Variants in RUNDC3B observed in about 807,000 individuals in gnomAD.
RUNDC3B encodes RUN domain containing 3B.
In RUNDC3B, 33 loss-of-function variants were observed where a neutral mutation model predicts 58.4. That is an observed-to-expected ratio of 0.56 (90% CI 0.43 to 0.75). The LOEUF (loss-of-function observed/expected upper bound fraction) is 0.75, where lower values mean the gene tolerates loss of function less well. Among genes scored for constraint, RUNDC3B ranks in the 30% least tolerant of loss-of-function variants. The pLI is 0.00. For synonymous variants in RUNDC3B, 193 were observed against 195.2 expected (o/e 0.99, Z 0.10); for missense variants, 501 against 535.7 (o/e 0.94, Z 0.64).
chr7:87,758,862 C>T (rs1164160260), intron 6 of RUNDC3B, among the ~76,000 whole-genome samples: 1 of 152,018 alleles, frequency 6.6e-6, no homozygotes, highest in African/African-American at 2.4e-5. Flanking sequence ...AAAGGGGAAC[C>T]CTTTTACACT....
intron 6 of RUNDC3B, among the ~76,000 whole-genome samples, chr7:87,749,188 A>C (rs1297112276): frequency 6.6e-6 from 1 of 152,234 alleles, no homozygotes; most frequent in Non-Finnish European, 1.5e-5. Flanking sequence ...CTTAAAATAC[A>C]AAGAGATATG....
intron 1 of RUNDC3B, among the ~76,000 whole-genome samples, chr7:87,647,663 T>C (rs1487943839): frequency 6.6e-6 from 1 of 152,220 alleles, no homozygotes; most frequent in East Asian, 1.9e-4. Flanking sequence ...GGTTTCAATT[T>C]GAATTACCAT....
intron 3 of RUNDC3B, chr7:87,709,151 A>C (rs2028026): frequency 4.7e-5 from 25 of 529,990 alleles, no homozygotes; most frequent in Non-Finnish European, 6.0e-5. Context: ...ATTCAAATAC[A>C]GGAAACTAAA....
At chr7:87,720,511 A>T (rs1266632335) in intron 4 of RUNDC3B, among the ~76,000 whole-genome samples, 1 of 151,364 alleles carries the variant, frequency 6.6e-6, no homozygotes, top group Non-Finnish European at 1.5e-5. Flanking sequence ...AAAAGATAGG[A>T]TATCACAAAT....
chr7:87,676,172 A>T (rs1826335151), intron 2 of RUNDC3B, among the ~76,000 whole-genome samples: 1 of 152,138 alleles, frequency 6.6e-6, no homozygotes, highest in Admixed American at 6.6e-5. Flanking sequence ...GGCTTCAGTG[A>T]GCTATCACCT....
intron 1 of RUNDC3B, among the ~76,000 whole-genome samples, chr7:87,643,408 C>G (rs1584981630): frequency 6.6e-6 from 1 of 151,888 alleles, no homozygotes; most frequent in African/African-American, 2.4e-5. Context: ...TCTGTAGACC[C>G]CTGCTTAAAG....
chr7:87,819,230 G>C (rs889565596), intron 10 of RUNDC3B, among the ~76,000 whole-genome samples: 7 of 152,140 alleles, frequency 4.6e-5, no homozygotes, highest in Admixed American at 4.6e-4. Context: ...AATTGACATT[G>C]TGGGCTTCCT....
intron 2 of RUNDC3B, among the ~76,000 whole-genome samples, chr7:87,671,379 G>C (rs937610108): frequency 1.3e-5 from 2 of 152,162 alleles, no homozygotes; most frequent in African/African-American, 4.8e-5. Context: ...TACTTGCTCG[G>C]TAGCTCTGGT....
intron 1 of RUNDC3B, among the ~76,000 whole-genome samples, chr7:87,629,515 G>T (rs746565311): frequency 5.9e-5 from 9 of 152,140 alleles, no homozygotes; most frequent in African/African-American, 9.7e-5. Flanking sequence ...TTAAGAGTGG[G>T]ACTGTGGAGG....
At chr7:87,682,230 CT>C (rs1228883990) in intron 2 of RUNDC3B, among the ~76,000 whole-genome samples, 1 of 152,208 alleles carries the variant, frequency 6.6e-6, no homozygotes, top group Non-Finnish European at 1.5e-5. Flanking sequence ...GCAATGACTC[CT>C]TCCACCAAAG....
intron 8 of RUNDC3B, among the ~76,000 whole-genome samples, chr7:87,801,771 T>A (rs1249128934): frequency 1.3e-5 from 2 of 151,964 alleles, no homozygotes; most frequent in South Asian, 2.1e-4. Context: ...TCAAAAAAAA[T>A]TAATATTTCT....
chr7:87,694,019 CG>C, intron 2 of RUNDC3B: 1 of 1,598,608 alleles, frequency 6.3e-7, no homozygotes, highest in Non-Finnish European at 8.5e-7. Flanking sequence ...AATTGACTTT[CG>C]GGGGAGGGCT....
chr7:87,713,646 TAAAA>T (rs527802276), intron 4 of RUNDC3B, among the ~76,000 whole-genome samples: 1 of 97,956 alleles, frequency 1.0e-5, no homozygotes. Flanking sequence ...GAATCTAAGC[TAAAA>T]AAAAAAAAAA....
intron 2 of RUNDC3B, among the ~76,000 whole-genome samples, chr7:87,674,233 C>T (rs1826102456): frequency 6.6e-6 from 1 of 152,170 alleles, no homozygotes; most frequent in African/African-American, 2.4e-5. Flanking sequence ...CCCTCATTGG[C>T]TGGGGCAGGG....
Position 87,807,520 on chromosome 7 carries a change from G to A in RUNDC3B, c.1103+1G>A, listed in dbSNP as rs757923144. ...GAAAACACAATAAACAGTGGTATGA[G>A]TAAGTGTAATACTTTTTTTTCCAAC... On this transcript the variant is annotated splice_donor_variant, in intron 9 of 10. Transcript: ENST00000394654. LOFTEE classifies it high-confidence loss of function. The A allele has an allele frequency of 4.3e-6, 7 of 1,610,360 alleles. No homozygotes were observed. The highest frequency in any genetic ancestry group is 3.3e-5 in the South Asian group (3 of 90,978).
intron 2 of RUNDC3B, among the ~76,000 whole-genome samples, chr7:87,686,361 G>A (rs949162500): frequency 5.9e-5 from 9 of 152,162 alleles, no homozygotes; most frequent in Non-Finnish European, 1.3e-4. Flanking sequence ...ATATTAACGA[G>A]CATGGTGTAA....
chr7:87,795,706 C>T lies in RUNDC3B; in HGVS notation c.957-11667C>T, dbSNP rs191506788. Among the ~76,000 whole-genome samples the T allele has an allele frequency of 4.9e-3, 730 of 148,782 alleles. 7 individuals carry two copies. The highest frequency in any genetic ancestry group is 0.017 in the African/African-American group (698 of 40,182). ...CAGCCTGGCCAACACGGGGAAACCC[C>T]GTCTCTACTAAAAATACAAAAAAAA... On this transcript the variant is annotated intron_variant, in intron 8 of 10. Transcript: ENST00000394654.
chr7:87,671,393 G>A (rs1022588526), intron 2 of RUNDC3B, among the ~76,000 whole-genome samples: 9 of 152,198 alleles, frequency 5.9e-5, no homozygotes, highest in African/African-American at 2.2e-4. Context: ...CTCTGGTAGA[G>A]GGTGGCTGGA....
At position 87,770,608 on chromosome 7, in the gene RUNDC3B, G is replaced by A. The variant is rs1183989152; in HGVS notation, c.657G>A (p.Glu219=). 10 of 1,613,390 alleles carry A rather than the reference G, an allele frequency of 6.2e-6. No individual in the cohort carries two copies. In the African/African-American group the frequency reaches 1.2e-4, roughly 19 times the overall value. ...CTGATAGTATCAGCAGTGATGAGGA[G>A]GAGCTAAGGACTTTGGGAAGCAGTG... ...QSSDSISSDE[E]ELRTLGSSGS... The change falls in exon 7 of 11, where the codon GAG becomes GAA. Residue 219 remains glutamate, a synonymous_variant. Transcript: ENST00000394654.
Sources: gnomAD v4.1 joint callset for allele counts (sites outside exome capture counted in the v4.1 genomes callset) on GRCh38, gnomAD v4.1.1 for gene constraint, MANE v1.5 for transcripts, NCBI Gene and HGNC (gene_info 2026-07-23, HGNC 2026-07-21) for gene names.